Variants in TBC1D5 observed in about 807,000 individuals in gnomAD.
TBC1D5 encodes TBC1 domain family member 5, also known as TBC1 domain family, member 5.
TBC1D5 carries 75 observed loss-of-function variants against 100.3 expected under a neutral mutation model. That is an observed-to-expected ratio of 0.75 (90% confidence interval 0.62 to 0.91). TBC1D5 has a LOEUF of 0.91. Among genes scored for constraint, TBC1D5 ranks in the 40% least tolerant of loss-of-function variants. The probability of loss-of-function intolerance (pLI) is 0.00; values close to 1 mark genes in which losing one functional copy is unlikely to be tolerated. For synonymous variants in TBC1D5, 323 were observed against 325.6 expected (o/e 0.99, Z 0.09); for missense variants, 910 against 942.4 (o/e 0.97, Z 0.45).
At chr3:17,287,935 G>A (rs1364942727) in intron 15 of TBC1D5, among the ~76,000 whole-genome samples, 1 of 152,054 alleles carries the variant, frequency 6.6e-6, no homozygotes, top group Non-Finnish European at 1.5e-5. Flanking sequence ...TATGAAACTA[G>A]GAAATGGGAA....
chr3:17,644,343 A>G (rs1378281736), intron 1 of TBC1D5, among the ~76,000 whole-genome samples: 1 of 152,164 alleles, frequency 6.6e-6, no homozygotes, highest in Non-Finnish European at 1.5e-5. Context: ...CCTACTTCAT[A>G]GCACTTAACG....
At chr3:17,189,837 G>A (rs921082260) in intron 18 of TBC1D5, among the ~76,000 whole-genome samples, 6 of 152,190 alleles carry the variant, frequency 3.9e-5, no homozygotes, top group Non-Finnish European at 7.3e-5. Flanking sequence ...GTAATGCTGA[G>A]CCCTAATGCC....
chr3:17,688,427 A>G (rs2070641463), intron 1 of TBC1D5, among the ~76,000 whole-genome samples: 1 of 152,192 alleles, frequency 6.6e-6, no homozygotes, highest in Non-Finnish European at 1.5e-5. Context: ...TACTATGTGT[A>G]TTGATTATTT....
intron 1 of TBC1D5, among the ~76,000 whole-genome samples, chr3:17,686,344 C>A (rs1174417010): frequency 6.6e-6 from 1 of 152,096 alleles, no homozygotes; most frequent in African/African-American, 2.4e-5. Flanking sequence ...TAGTAGATCC[C>A]AAGTTATGAT....
chr3:17,484,214 T>C (rs184975675), intron 3 of TBC1D5, among the ~76,000 whole-genome samples: 2 of 152,226 alleles, frequency 1.3e-5, no homozygotes, highest in African/African-American at 4.8e-5. Flanking sequence ...TGCAATAGAG[T>C]ACTATTTTCG....
chr3:17,543,101 T>C (rs1483532932), intron 2 of TBC1D5, among the ~76,000 whole-genome samples: 1 of 151,022 alleles, frequency 6.6e-6, no homozygotes, highest in Non-Finnish European at 1.5e-5. Context: ...AGTTACTATA[T>C]AGCGGAAGGG....
At chr3:17,628,471 C>T (rs903485818) in intron 1 of TBC1D5, among the ~76,000 whole-genome samples, 1 of 151,864 alleles carries the variant, frequency 6.6e-6, no homozygotes, top group Non-Finnish European at 1.5e-5. Context: ...CCTCTCCCCC[C>T]ACTTCACCAT....
intron 13 of TBC1D5, among the ~76,000 whole-genome samples, chr3:17,358,054 T>C (rs2091374731): frequency 6.6e-6 from 1 of 152,106 alleles, no homozygotes; most frequent in South Asian, 2.1e-4. Context: ...CTCACTCCAG[T>C]TGGGGAAATT....
chr3:17,658,717 C>T lies in TBC1D5; in HGVS notation c.-100-34804G>A, dbSNP rs2066347303. On this transcript the variant is annotated intron_variant, in intron 1 of 21. Coordinates refer to ENST00000253692, the Ensembl canonical transcript of TBC1D5. The stretch of plus-strand genomic sequence containing the variant: ...TGTCACCCAGACTGGAGTGCAGTGG[C>T]ACAATCTCAGCTCACTGCAACCTCA... Among the ~76,000 whole-genome samples, 3 of 152,194 alleles carry T rather than the reference C, an allele frequency of 2.0e-5. 1 individual carries two copies. Among genetic ancestry groups the T allele is most frequent in the South Asian group, 4.2e-4 (2 of 4,812 alleles).
At chr3:17,448,481 A>G (rs2094849828) in intron 3 of TBC1D5, among the ~76,000 whole-genome samples, 1 of 152,242 alleles carries the variant, frequency 6.6e-6, no homozygotes, top group East Asian at 1.9e-4. Flanking sequence ...GCAGCTATGA[A>G]TTATGAAATG....
At chr3:17,448,081 C>T (rs887804415) in intron 3 of TBC1D5, among the ~76,000 whole-genome samples, 3 of 152,118 alleles carry the variant, frequency 2.0e-5, no homozygotes, top group East Asian at 1.9e-4. Flanking sequence ...GGCAGATCAC[C>T]GGAGCCCTCG....
At chr3:17,681,615 C>T (rs918599983) in intron 1 of TBC1D5, among the ~76,000 whole-genome samples, 3 of 151,558 alleles carry the variant, frequency 2.0e-5, no homozygotes, top group South Asian at 2.1e-4. Context: ...ACATGTAACA[C>T]GCTTTTAAAG....
At chr3:17,705,617 G>A (rs1459771303) in intron 1 of TBC1D5, among the ~76,000 whole-genome samples, 4 of 125,764 alleles carry the variant, frequency 3.2e-5, no homozygotes, top group East Asian at 2.7e-4. Flanking sequence ...ATGGGGCGGC[G>A]GGGCAGAGGC....
chr3:17,681,562 C>T (rs1039798137), intron 1 of TBC1D5, among the ~76,000 whole-genome samples: 3 of 151,630 alleles, frequency 2.0e-5, no homozygotes, highest in Non-Finnish European at 2.9e-5. Flanking sequence ...TAGTTGTTTT[C>T]GGAAATGTTT....
intron 1 of TBC1D5, among the ~76,000 whole-genome samples, chr3:17,718,243 T>C (rs1199113661): frequency 6.6e-6 from 1 of 152,222 alleles, no homozygotes; most frequent in East Asian, 1.9e-4. Context: ...TTGGGGATTA[T>C]TGTTATGAAT....
At chr3:17,524,482 C>T (rs1271235883) in intron 2 of TBC1D5, 2 of 152,148 alleles carry the variant, frequency 1.3e-5, no homozygotes, top group African/African-American at 4.8e-5. Flanking sequence ...TAGTGAAAAA[C>T]CATAAGCAAT....
chr3:17,398,744 A>ACT (rs11389760), intron 8 of TBC1D5, among the ~76,000 whole-genome samples: 19 of 151,562 alleles, frequency 1.3e-4, no homozygotes, highest in South Asian at 4.2e-4. Context: ...CTGCATTGTA[A>ACT]TTTTTTTTTC....
At chr3:17,533,264 A>T (rs1203996557) in intron 2 of TBC1D5, among the ~76,000 whole-genome samples, 1 of 152,188 alleles carries the variant, frequency 6.6e-6, no homozygotes, top group Non-Finnish European at 1.5e-5. Context: ...TTGACCATTT[A>T]ATGCCAATAT....
intron 13 of TBC1D5, among the ~76,000 whole-genome samples, chr3:17,366,249 A>G (rs2092119543): frequency 6.6e-6 from 1 of 151,986 alleles, no homozygotes; most frequent in Non-Finnish European, 1.5e-5. Context: ...CTGAGATCAC[A>G]CCGCTGCGCT....
Sources: gnomAD v4.1 joint callset for allele counts (sites outside exome capture counted in the v4.1 genomes callset) on GRCh38, gnomAD v4.1.1 for gene constraint, MANE v1.5 for transcripts, NCBI Gene and HGNC (gene_info 2026-07-23, HGNC 2026-07-21) for gene names.